DYNC2I1: variants seen among roughly 807,000 people sequenced by gnomAD.
The protein encoded by DYNC2I1 is dynein 2 intermediate chain 1, also known as cytoplasmic dynein 2 intermediate chain 1.
DYNC2I1 carries 89 observed loss-of-function variants against 133.4 expected under a neutral mutation model. The observed-to-expected ratio is 0.67, with a 90% CI of 0.56 to 0.80. The LOEUF (loss-of-function observed/expected upper bound fraction) is 0.80, where lower values mean the gene tolerates loss of function less well. DYNC2I1 is among the 30% of genes least tolerant of loss of function. DYNC2I1 has a pLI of 0.00. For synonymous variants in DYNC2I1, 504 were observed against 484.3 expected (o/e 1.04, Z -0.54); for missense variants, 1,291 against 1,314.5 (o/e 0.98, Z 0.28).
At chr7:158,899,417 T>A (rs1293371833) in intron 8 of DYNC2I1, among the ~76,000 whole-genome samples, 1 of 152,204 alleles carries the variant, frequency 6.6e-6, no homozygotes, top group Non-Finnish European at 1.5e-5. Context: ...CAAACTGTTA[T>A]CTGTTAGATC....
intron 14 of DYNC2I1, among the ~76,000 whole-genome samples, chr7:158,917,936 G>A (rs1336596666): frequency 3.3e-5 from 5 of 151,822 alleles, no homozygotes; most frequent in Admixed American, 2.0e-4. Flanking sequence ...TCACTCTCCC[G>A]TTCTGTCAGT....
At chr7:158,921,012 G>A (rs886749455) in intron 15 of DYNC2I1, among the ~76,000 whole-genome samples, 2 of 152,198 alleles carry the variant, frequency 1.3e-5, no homozygotes, top group African/African-American at 4.8e-5. Flanking sequence ...TATGCCCTGG[G>A]CACTGTCGGG....
rs147900949 is a variant in DYNC2I1, at chr7:158,912,559, T to G, written c.1591-426T>G. 1.0e-3 allele frequency among the ~76,000 whole-genome samples: 156 copies of G among 152,318 alleles called. 1 individual carries two copies. Among genetic ancestry groups the G allele is most frequent in the African/African-American group, 3.6e-3 (151 of 41,572 alleles). On this transcript the variant is annotated intron_variant, in intron 12 of 24. Coordinates refer to ENST00000407559, the MANE Select transcript of DYNC2I1 (RefSeq NM_018051.5). ...CTGTAGCCTTGAACTCCTCGGACAC[T>G]GACAATATTAATCCTGGTTTTGCAG... is the stretch of plus-strand genomic sequence containing the variant.
At position 158,856,644 on chromosome 7, in the gene DYNC2I1, C is replaced by G. The variant is rs1329400950; in HGVS notation, c.-92C>G. 4.1e-6 allele frequency: 5 copies of G among 1,209,646 alleles called. No individual in the cohort carries two copies. Among genetic ancestry groups the G allele is most frequent in the Non-Finnish European group, 5.2e-6 (5 of 967,502 alleles). The allele number at this position is 1,209,646 out of a possible 1,614,324, so 74.9% of individuals were successfully genotyped here. On this transcript the variant is annotated 5_prime_UTR_variant, in exon 1 of 25. Coordinates refer to ENST00000407559, the MANE Select transcript of DYNC2I1 (RefSeq NM_018051.5). ...GTTGCTAGGCGCTGGGACGCGCCTC[C>G]CGAAGGGTGCGGGGCACAGGTGGCC...
chr7:158,923,335 C>G (rs961012815), intron 16 of DYNC2I1, among the ~76,000 whole-genome samples: 1 of 152,118 alleles, frequency 6.6e-6, no homozygotes, highest in Non-Finnish European at 1.5e-5. Context: ...CAGCACCTTG[C>G]GTTTGTGATC....
chr7:158,851,522 CA>C, the DYNC2I1 span, among the ~76,000 whole-genome samples: 1 of 149,708 alleles, frequency 6.7e-6, no homozygotes, highest in Admixed American at 6.6e-5. Context: ...AACTCTGTCT[CA>C]AAAAAAAAGA....
intron 1 of DYNC2I1, among the ~76,000 whole-genome samples, chr7:158,864,250 C>G (rs138775902): frequency 1.3e-5 from 2 of 152,076 alleles, no homozygotes; most frequent in Non-Finnish European, 2.9e-5. Flanking sequence ...TCTTTTCTTT[C>G]TCAGTGTCAT....
chr7:158,866,158 T>C (rs1842384165), intron 1 of DYNC2I1, among the ~76,000 whole-genome samples: 1 of 152,188 alleles, frequency 6.6e-6, no homozygotes, highest in East Asian at 1.9e-4. Flanking sequence ...TTTCACATTC[T>C]GAGCTAGTGG....
downstream of DYNC2I1, among the ~76,000 whole-genome samples, chr7:158,948,421 C>A (rs1400757991): frequency 6.6e-6 from 1 of 152,242 alleles, no homozygotes; most frequent in Non-Finnish European, 1.5e-5. Flanking sequence ...ACATTTGCCA[C>A]ATCAGTAGAA....
Position 158,884,562 on chromosome 7 carries a change from A to G in DYNC2I1, c.880-2A>G. 1 of 1,610,498 alleles carries G rather than the reference A, an allele frequency of 6.2e-7. No homozygotes were observed. Among genetic ancestry groups the G allele is most frequent in the Admixed American group, 1.7e-5 (1 of 59,438 alleles). On this transcript the variant is annotated splice_acceptor_variant, in intron 5 of 24. Transcript: ENST00000407559. LOFTEE classifies it high-confidence loss of function. ...TTATGGGATTATATTTTTGTTTGAT[A>G]GAATGGTGAACACAGAAATCGAGGT... is the stretch of plus-strand genomic sequence containing the variant.
chr7:158,843,368 C>T, the DYNC2I1 span, among the ~76,000 whole-genome samples: 2 of 152,208 alleles, frequency 1.3e-5, no homozygotes, highest in Non-Finnish European at 2.9e-5. Context: ...TCAAGCAATT[C>T]TCCTGCCTCA....
At chr7:158,870,441 C>T (rs1041844249) in intron 2 of DYNC2I1, among the ~76,000 whole-genome samples, 37 of 152,184 alleles carry the variant, frequency 2.4e-4, no homozygotes, top group African/African-American at 8.9e-4. Flanking sequence ...GCAGCCTTGA[C>T]CTTCTGGGCC....
chr7:158,907,602 T>C (rs2129484177), intron 11 of DYNC2I1, among the ~76,000 whole-genome samples: 1 of 152,020 alleles, frequency 6.6e-6, no homozygotes, highest in South Asian at 2.1e-4. Flanking sequence ...CCTTTCCCTT[T>C]TCTTTCTTTT....
chr7:158,940,158 C>T (rs62476519), intron 23 of DYNC2I1, among the ~76,000 whole-genome samples: 3,333 of 152,250 alleles, frequency 0.022, 58 homozygotes, highest in Admixed American at 0.053. Context: ...ACCTTTTTGG[C>T]ACCAGAGACT....
Position 158,863,868 on chromosome 7 carries a change from G to A in DYNC2I1, c.16-5987G>A, listed in dbSNP as rs183572410. ...GCTCCGGGTGTTGGAGGGTGTTGGA[G>A]GGGGGAGCGGGACGTCCTTAGCTCC... On this transcript the variant is annotated intron_variant, in intron 1 of 24. Transcript: ENST00000407559. Among the ~76,000 whole-genome samples, 609 of 132,550 alleles carry A rather than the reference G, an allele frequency of 4.6e-3. 5 individuals are homozygous for A. Among genetic ancestry groups the A allele is most frequent in the Non-Finnish European group, 7.1e-3 (437 of 61,708 alleles). 87.0% of individuals were successfully genotyped at this position (132,550 alleles called of 152,430 possible). A position where few individuals can be genotyped will look rare whatever the true frequency, so the allele number is the denominator to read the frequency against.
At position 158,922,429 on chromosome 7, in the gene DYNC2I1, C is replaced by G; in HGVS notation, c.1974C>G (p.Val658=). 9 of 1,614,010 alleles carry G rather than the reference C, an allele frequency of 5.6e-6. No individual in the cohort carries two copies. Among genetic ancestry groups the G allele is most frequent in the Non-Finnish European group, 7.6e-6 (9 of 1,179,896 alleles). The change falls in exon 16 of 25, where the codon GTC becomes GTG. Residue 658 remains valine, a synonymous_variant. Transcript: ENST00000407559. ...CCCGAGTTCAGAGGCAGATGGTGGT[C>G]TCCGTTCACGACTTACCCGAGAAGA... The part of the protein sequence containing the change: ...HTSRVQRQMV[V]SVHDLPEKSF...
chr7:158,846,286 C>T, the DYNC2I1 span, among the ~76,000 whole-genome samples: 11 of 151,862 alleles, frequency 7.2e-5, no homozygotes, highest in African/African-American at 2.7e-4. Flanking sequence ...TAAAATAAAA[C>T]AAGGTAAAAG....
At chr7:158,907,908 C>T (rs7796711) in intron 11 of DYNC2I1, among the ~76,000 whole-genome samples, 36,134 of 151,776 alleles carry the variant, frequency 0.24, 5,103 homozygotes, top group East Asian at 0.52. Flanking sequence ...CTGCTGTGCC[C>T]GGCTGGTAAT....
chr7:158,896,766 C>T (rs1845795345), intron 8 of DYNC2I1, among the ~76,000 whole-genome samples: 1 of 151,982 alleles, frequency 6.6e-6, no homozygotes, highest in South Asian at 2.1e-4. Flanking sequence ...AGCCACTGTG[C>T]CTGGCCCTAT....
Sources: allele counts gnomAD v4.1 joint callset (sites outside exome capture counted in the v4.1 genomes callset), GRCh38; gene constraint gnomAD v4.1.1; transcripts MANE v1.5; gene names NCBI Gene and HGNC (gene_info 2026-07-23, HGNC 2026-07-21).